PCDHA3: variants seen among roughly 807,000 people sequenced by gnomAD.
PCDHA3 encodes protocadherin alpha 3, also known as protocadherin alpha-3.
In PCDHA3, 41 loss-of-function variants were observed where a neutral mutation model predicts 62.2. The observed-to-expected ratio is 0.66, with a 90% confidence interval of 0.51 to 0.86. PCDHA3 has a LOEUF of 0.86. PCDHA3 is among the 40% of genes least tolerant of loss of function. The pLI, the probability that PCDHA3 is intolerant of heterozygous loss-of-function variation, is 0.00. For synonymous variants in PCDHA3, 640 were observed against 555.4 expected (o/e 1.15, Z -2.14); for missense variants, 1,304 against 1,241.2 (o/e 1.05, Z -0.76).
At chr5:140,898,400 C>T (rs1374307667) in intron 1 of PCDHA3, among the ~76,000 whole-genome samples, 1 of 152,178 alleles carries the variant, frequency 6.6e-6, no homozygotes, top group Non-Finnish European at 1.5e-5. Flanking sequence ...TTTCAGCTTT[C>T]TACATACGGC....
intron 1 of PCDHA3, chr5:140,870,820 G>C (rs1554164732): frequency 1.9e-6 from 3 of 1,613,630 alleles, no homozygotes; most frequent in African/African-American, 1.3e-5. Context: ...TGGCAGCGCG[G>C]GAGGCGCAGT....
At chr5:140,897,682 A>G (rs1397590916) in intron 1 of PCDHA3, among the ~76,000 whole-genome samples, 3 of 152,186 alleles carry the variant, frequency 2.0e-5, no homozygotes, top group Non-Finnish European at 4.4e-5. Flanking sequence ...AGCATGATTT[A>G]TAGTCCTTTG....
chr5:140,848,968 C>G (rs2150427139), intron 1 of PCDHA3: 1 of 1,605,306 alleles, frequency 6.2e-7, no homozygotes, highest in East Asian at 2.2e-5. Flanking sequence ...GAGGGCGCGT[C>G]CGATGCAGAT....
chr5:140,825,394 A>AAT (rs2150139298), intron 1 of PCDHA3: 7,825 of 145,962 alleles, frequency 0.054, 680 homozygotes, highest in African/African-American at 0.19. Flanking sequence ...ATATATATCT[A>AAT]ATATATTATA....
Position 140,870,545 on chromosome 5 carries a change from C to T in PCDHA3, c.2394+66954C>T, listed in dbSNP as rs1029944968. The T allele has an allele frequency of 1.2e-6, 2 of 1,614,108 alleles. No individual in the cohort carries two copies. Among genetic ancestry groups the T allele is most frequent in the Admixed American group, 1.7e-5 (1 of 60,034 alleles). On this transcript the variant is annotated intron_variant, in intron 1 of 3. Coordinates refer to ENST00000522353, the MANE Select transcript of PCDHA3 (RefSeq NM_018906.3). The stretch of plus-strand genomic sequence containing the variant: ...ATCTTCACAGTGTCGGCGCGGGACG[C>T]GGACGCGCAGGAGAACGCGCTGGTG...
At chr5:140,958,367 T>C (rs1029042656) in intron 1 of PCDHA3, among the ~76,000 whole-genome samples, 2 of 152,166 alleles carry the variant, frequency 1.3e-5, no homozygotes, top group Admixed American at 6.5e-5. Context: ...TTATCAGGAA[T>C]GTTGCTATTT....
rs1581641335 is a variant in PCDHA3 at position 140,801,333 on chromosome 5, G to A, written c.136G>A (p.Gly46Ser). 1.2e-6 allele frequency: 2 copies of A among 1,613,254 alleles called. No individual in the cohort carries two copies. Among genetic ancestry groups the A allele is most frequent in the South Asian group, 1.1e-5 (1 of 91,030 alleles). ...SEEAKHGTFV[G>S]RIAQDLGLEL... is the part of the protein sequence containing the mutation. ...GGAGGCCAAGCATGGCACCTTCGTG[G>A]GCCGCATCGCGCAGGACCTGGGGCT... The change falls in exon 1 of 4, where the codon GGC (glycine) becomes AGC (serine). Residue 46 changes from glycine (G) to serine (S), a missense_variant. Gly to Ser is a moderately conservative substitution (Grantham distance 56, BLOSUM62 0). Coordinates refer to ENST00000522353, the MANE Select transcript of PCDHA3 (RefSeq NM_018906.3).
rs73263815 is a variant in PCDHA3, at chr5:140,853,554, A to T, written c.2394+49963A>T. ...TCTTTTCAAGTTGTAATTACTATAT[A>T]GGAAAAACTAAGTTGTCACCCAATA... On this transcript the variant is annotated intron_variant, in intron 1 of 3. Transcript: ENST00000522353. 9,092 of 979,494 alleles carry T rather than the reference A, an allele frequency of 9.3e-3. 1,045 individuals carry two copies. In the African/African-American group the frequency reaches 0.15, roughly 16 times the overall value. The allele number at this position is 979,494 out of a possible 1,614,324, so 60.7% of individuals were successfully genotyped here.
At chr5:140,838,555 C>T (rs1775778485) in intron 1 of PCDHA3, among the ~76,000 whole-genome samples, 1 of 151,794 alleles carries the variant, frequency 6.6e-6, no homozygotes, top group Non-Finnish European at 1.5e-5. Flanking sequence ...ATTTATTCAT[C>T]CAGTACTGTA....
chr5:140,856,780 G>C (rs1015178435), intron 1 of PCDHA3: 1 of 1,596,106 alleles, frequency 6.3e-7, no homozygotes, highest in Non-Finnish European at 8.6e-7. Flanking sequence ...TTGACAGACC[G>C]GTTTATGAAG....
rs1554122424 is a variant in PCDHA3, at chr5:140,802,873, A to C, written c.1676A>C (p.Asn559Thr). 9 of 1,613,654 alleles carry C rather than the reference A, an allele frequency of 5.6e-6. No homozygotes were observed. Among genetic ancestry groups the C allele is most frequent in the Non-Finnish European group, 6.8e-6 (8 of 1,179,916 alleles). ...VTLQVFVLDENDNAPALLMPR... is the reference protein window; with the variant it reads ...VTLQVFVLDETDNAPALLMPR... ...CTGCAGGTGTTCGTGCTGGACGAGA[A>C]CGACAACGCGCCGGCACTGCTGATG... Residue 559 changes from asparagine to threonine, a missense_variant, in exon 1 of 4, where the codon AAC becomes ACC. Physicochemically the swap from Asn to Thr is moderately conservative, Grantham distance 65. Coordinates refer to ENST00000522353, the MANE Select transcript of PCDHA3 (RefSeq NM_018906.3).
intron 3 of PCDHA3, among the ~76,000 whole-genome samples, chr5:140,995,133 T>C (rs1397108502): frequency 6.6e-6 from 1 of 152,230 alleles, no homozygotes; most frequent in Non-Finnish European, 1.5e-5. Flanking sequence ...TGAAACCTCA[T>C]TTAGTACTGA....
intron 1 of PCDHA3, among the ~76,000 whole-genome samples, chr5:140,915,400 T>C (rs1554196884): frequency 6.6e-6 from 1 of 152,224 alleles, no homozygotes; most frequent in East Asian, 1.9e-4. Context: ...GTATTTCTTA[T>C]AGTCTTTGCA....
At chr5:140,869,940 C>T in intron 1 of PCDHA3, 1 of 1,612,138 alleles carries the variant, frequency 6.2e-7, no homozygotes, top group African/African-American at 1.3e-5. Flanking sequence ...AGGTAACATA[C>T]TCCTTAATGT....
At chr5:140,805,805 T>C (rs903547891) in intron 1 of PCDHA3, among the ~76,000 whole-genome samples, 5 of 152,134 alleles carry the variant, frequency 3.3e-5, no homozygotes, top group African/African-American at 7.2e-5. Flanking sequence ...TAGAAAATCA[T>C]AGAGGCTATT....
intron 1 of PCDHA3, chr5:140,836,425 G>A (rs2150260582): frequency 1.2e-6 from 2 of 1,613,790 alleles, no homozygotes; most frequent in Admixed American, 1.7e-5. Flanking sequence ...GCGTCGTCGC[G>A]GGCATCGTTG....
intron 1 of PCDHA3, chr5:140,809,800 T>C: frequency 2.2e-6 from 1 of 447,862 alleles, no homozygotes; most frequent in Non-Finnish European, 3.9e-6. Flanking sequence ...CTGTAATTTC[T>C]AGTAAATTTT....
chr5:140,862,830 C>A (rs781933426), intron 1 of PCDHA3: 1 of 572,350 alleles, frequency 1.7e-6, no homozygotes, highest in South Asian at 1.4e-5. Context: ...GAGCGCGCGA[C>A]GCGGGCATGC....
At chr5:140,928,666 T>C in intron 1 of PCDHA3, 8 of 1,614,212 alleles carry the variant, frequency 5.0e-6, no homozygotes, top group Non-Finnish European at 6.8e-6. Context: ...TGACAGTGGT[T>C]CTAATGCCTG....
Sources: allele counts gnomAD v4.1 joint callset (sites outside exome capture counted in the v4.1 genomes callset), GRCh38; gene constraint gnomAD v4.1.1; transcripts MANE v1.5; gene names NCBI Gene and HGNC (gene_info 2026-07-23, HGNC 2026-07-21).